MCM8: variants seen among roughly 807,000 people sequenced by gnomAD.
MCM8 encodes the protein DNA helicase MCM8.
In MCM8, 85 loss-of-function variants were observed where a neutral mutation model predicts 98.9. The observed-to-expected ratio is 0.86, with a 90% CI of 0.72 to 1.03. The LOEUF is 1.03. MCM8 is among the 50% of genes least tolerant of loss of function. MCM8 has a pLI of 0.00. For synonymous variants in MCM8, 352 were observed against 338.6 expected, an observed-to-expected ratio of 1.04 and a Z score of -0.44; for missense variants, 951 against 997.8, an observed-to-expected ratio of 0.95 and a Z score of 0.63.
At chr20:5,953,438 GGTGTGTGTGTGTGTGTGTGTGTGT>G (rs11470045) in intron 3 of MCM8, among the ~76,000 whole-genome samples, 4 of 146,190 alleles carry the variant, frequency 2.7e-5, no homozygotes, top group African/African-American at 1.0e-4. Context: ...TCTCATGAGG[GGTGTGTGTGTGTGTGTGTGTGTGT>G]GTGTGTGTGC....
At position 5,983,014 on chromosome 20, in the gene MCM8, C is replaced by G. The variant is rs969134844; in HGVS notation, c.1582C>G (p.Gln528Glu). ...ATTTGATAAGATGGGGAATCAACATCAAGCCTTGTTGGAAGCCATGGAGCA... is the reference window on the plus strand; with the variant it reads ...ATTTGATAAGATGGGGAATCAACATGAAGCCTTGTTGGAAGCCATGGAGCA... ...DEFDKMGNQH[Q>E]ALLEAMEQQS... Residue 528 changes from glutamine (Q) to glutamate (E), a missense_variant, in exon 14 of 19, where the codon CAA (glutamine) becomes GAA (glutamate). Coordinates refer to ENST00000610722, the MANE Select transcript of MCM8 (RefSeq NM_032485.6). 1 of 1,613,666 alleles carries G rather than the reference C, an allele frequency of 6.2e-7. No individual in the cohort carries two copies. The highest frequency in any genetic ancestry group is 8.5e-7 in the Non-Finnish European group (1 of 1,179,936).
At chr20:5,975,979 T>C (rs1488543025) in intron 12 of MCM8, among the ~76,000 whole-genome samples, 1 of 152,056 alleles carries the variant, frequency 6.6e-6, no homozygotes, top group Non-Finnish European at 1.5e-5. Context: ...ACATCCTGAA[T>C]AGAGTATGGC....
At chr20:5,957,771 A>G (rs927895904) in intron 6 of MCM8, among the ~76,000 whole-genome samples, 18 of 152,188 alleles carry the variant, frequency 1.2e-4, no homozygotes, top group African/African-American at 4.3e-4. Flanking sequence ...TTGTTAAATT[A>G]TTAGGTTTTT....
intron 3 of MCM8, 119 bp from the exon 4 acceptor site, chr20:5,954,489 A>C: frequency 2.0e-6 from 1 of 512,806 alleles, no homozygotes; most frequent in East Asian, 3.0e-5. Context: ...GAATGTAATC[A>C]AAATACAAAG....
At position 5,976,930 on chromosome 20, in the gene MCM8, C is replaced by T. The variant is rs149041941; in HGVS notation, c.1396-946C>T. On this transcript the variant is annotated intron_variant, in intron 12 of 18. Coordinates refer to ENST00000610722, the MANE Select transcript of MCM8 (RefSeq NM_032485.6). ...TTGTGCCACTGCACTCCAGCCTGGA[C>T]GACAGAGTGAGACCCTGCCTCAAAA... 2.5e-3 allele frequency among the ~76,000 whole-genome samples: 376 copies of T among 152,216 alleles called. 6 individuals carry two copies. The highest frequency in any genetic ancestry group is 8.8e-3 in the African/African-American group (367 of 41,538).
Position 5,986,027 on chromosome 20 carries a change from C to G in MCM8, c.2059C>G (p.Arg687Gly), listed in dbSNP as rs140773345. The change falls in exon 16 of 19, where the codon CGA becomes GGA. Residue 687 changes from arginine to glycine, a missense_variant. Transcript: ENST00000610722. ...CCCAAGGCTATCCACAGAAGCTGCT[C>G]GAGTTCTTCAAGATTTTTACCTTGA... ...VYPRLSTEAA[R>G]VLQDFYLELR... is the part of the protein sequence containing the mutation. 42 of 1,614,140 alleles carry G rather than the reference C, an allele frequency of 2.6e-5. No homozygotes were observed. In the Middle Eastern group the frequency reaches 4.9e-4, roughly 19 times the overall value.
intron 2 of MCM8, 34 bp downstream of exon 2, chr20:5,952,197 A>T (rs768291372): frequency 1.2e-6 from 2 of 1,607,314 alleles, no homozygotes; most frequent in South Asian, 2.2e-5. Context: ...AATTTTTTTC[A>T]CTTAAGGAAG....
rs545938145 is a variant in MCM8 at position 5,984,622 on chromosome 20, A to G, written c.1734-159A>G. Reference sequence around the variant, plus strand: ...CTTGTGCCCATGTTGCAGTGGTTGGATATATCGAATCCAAGAAGCTATTTG... The same window carrying G: ...CTTGTGCCCATGTTGCAGTGGTTGGGTATATCGAATCCAAGAAGCTATTTG... On this transcript the variant is annotated intron_variant, in intron 14 of 18. Transcript: ENST00000610722. Among the ~76,000 whole-genome samples, 4 of 152,326 alleles carry G rather than the reference A, an allele frequency of 2.6e-5. No individual in the cohort carries two copies. The East Asian group carries it at 5.8e-4, about 22-fold the overall frequency.
intron 4 of MCM8, 39 bp from the exon 5 acceptor site, chr20:5,955,063 G>A: frequency 1.4e-6 from 2 of 1,456,324 alleles, no homozygotes; most frequent in Non-Finnish European, 1.9e-6. Flanking sequence ...ATTGACTACA[G>A]AAAAGCAATT....
intron 11 of MCM8, 139 bp from the exon 12 acceptor site, chr20:5,972,917 T>G: frequency 7.5e-7 from 1 of 1,340,840 alleles, no homozygotes; most frequent in South Asian, 1.6e-5. Context: ...TTTTTAGACT[T>G]CCTTTTCTTA....
chr20:5,955,981 A>T (rs2088971393), intron 5 of MCM8, among the ~76,000 whole-genome samples: 1 of 151,982 alleles, frequency 6.6e-6, no homozygotes, highest in Non-Finnish European at 1.5e-5. Flanking sequence ...GTTGGCCAGG[A>T]TGGTCTTGAT....
At position 5,998,364 on chromosome 20, in the gene MCM8, T is replaced by A. The variant is rs552164905; in HGVS notation, c.*3973T>A. ...TGATCAGACACCCATGTGTGAGATT[T>A]GGAATGCAGAACTGAGGAGAGAGCC... On this transcript the variant is annotated 3_prime_UTR_variant, in exon 19 of 19. Coordinates refer to ENST00000610722, the MANE Select transcript of MCM8 (RefSeq NM_032485.6). The A allele has an allele frequency of 2.0e-5, 3 of 152,322 alleles. No homozygotes were observed. Among genetic ancestry groups the A allele is most frequent in the African/African-American group, 7.2e-5 (3 of 41,578 alleles). 9.4% of individuals were successfully genotyped at this position (152,322 alleles called of 1,614,324 possible). A position where few individuals can be genotyped will look rare whatever the true frequency, so the allele number is the denominator to read the frequency against.
rs767539132 is a variant in MCM8 at position 5,951,991 on chromosome 20, T to C, written c.-5-20T>C. 5 of 1,596,022 alleles carry C rather than the reference T, an allele frequency of 3.1e-6. No individual in the cohort carries two copies. The South Asian group carries it at 5.7e-5, about 18-fold the overall frequency. ...TTCCTTACAGTTTTGGTGAAGACCTTTTTAATATCTATCTTTTAGGAGAGA... is the reference window on the plus strand; with the variant it reads ...TTCCTTACAGTTTTGGTGAAGACCTCTTTAATATCTATCTTTTAGGAGAGA... On this transcript the variant is annotated intron_variant, in intron 1 of 18. Coordinates refer to ENST00000610722, the MANE Select transcript of MCM8 (RefSeq NM_032485.6).
chr20:5,973,791 A>G (rs895679739), intron 12 of MCM8, among the ~76,000 whole-genome samples: 1 of 151,884 alleles, frequency 6.6e-6, no homozygotes, highest in African/African-American at 2.4e-5. Flanking sequence ...AGTAGCTGGG[A>G]TTATAGGTGC....
At chr20:5,990,326 G>A (rs59701847) in intron 17 of MCM8, among the ~76,000 whole-genome samples, 2 of 152,024 alleles carry the variant, frequency 1.3e-5, no homozygotes, top group Middle Eastern at 3.4e-3. Context: ...ATCTGCCCAC[G>A]TTGGCCTCCC....
chr20:5,952,486 C>G lies in MCM8; in HGVS notation c.211C>G (p.Arg71Gly), dbSNP rs111364632. The G allele has an allele frequency of 1.2e-6, 2 of 1,613,942 alleles. No homozygotes were observed. The highest frequency in any genetic ancestry group is 1.3e-5 in the African/African-American group (1 of 75,014). ...ACAGTCAATGCAGTCAACATTGGAT[C>G]GATTCATACCATATAAAGGCTGGAA... ...TPQSMQSTLD[R>G]FIPYKGWKLY... The change falls in exon 3 of 19, where the codon CGA (arginine) becomes GGA (glycine). Residue 71 changes from arginine to glycine, a missense_variant. Transcript: ENST00000610722.
chr20:5,993,386 A>G (rs2071478321), intron 17 of MCM8, 120 bp from the exon 18 acceptor site: 3 of 616,816 alleles, frequency 4.9e-6, no homozygotes, highest in Non-Finnish European at 7.8e-6. Flanking sequence ...ACATGTTGAA[A>G]TGTTTGCTAA....
At chr20:5,990,383 A>G (rs936325481) in intron 17 of MCM8, among the ~76,000 whole-genome samples, 2 of 152,096 alleles carry the variant, frequency 1.3e-5, no homozygotes. Context: ...GACATCACAC[A>G]GTCCTTGACC....
At chr20:5,951,382 A>AC (rs1163981294) in intron 1 of MCM8, among the ~76,000 whole-genome samples, 3 of 152,172 alleles carry the variant, frequency 2.0e-5, no homozygotes, top group Non-Finnish European at 4.4e-5. Flanking sequence ...TATTAACTAA[A>AC]CCCCTTTTAA....
Sources: gnomAD v4.1 joint callset for allele counts (sites outside exome capture counted in the v4.1 genomes callset) on GRCh38, gnomAD v4.1.1 for gene constraint, MANE v1.5 for transcripts, NCBI Gene and HGNC (gene_info 2026-07-23, HGNC 2026-07-21) for gene names.